Variants in TFEB observed in about 807,000 individuals in gnomAD.
TFEB encodes T-cell transcription factor EB.
TFEB carries 12 observed loss-of-function variants against 48.0 expected under a neutral mutation model. The observed-to-expected ratio is 0.25, with a 90% confidence interval of 0.16 to 0.40. The LOEUF (loss-of-function observed/expected upper bound fraction) is 0.40, where lower values mean the gene tolerates loss of function less well. TFEB is among the 10% of genes least tolerant of loss of function. The pLI, the probability that TFEB is intolerant of heterozygous loss-of-function variation, is 1.00. For synonymous variants in TFEB, 244 were observed against 261.4 expected (o/e 0.93, Z 0.64); for missense variants, 509 against 640.3 (o/e 0.79, Z 2.21).
In TFEB at chr6:41,720,894, C is replaced by T. The variant is rs1364832378; in HGVS notation, c.-23+14456G>A. 6.6e-6 allele frequency among the ~76,000 whole-genome samples: 1 copy of T among 152,168 alleles called. No homozygotes were observed. The highest frequency in any genetic ancestry group is 6.5e-5 in the Admixed American group (1 of 15,276). ...AATAAATGTAATGTTCTTGAATAAT[C>T]CTGAGACCCCAACCTCCACCCAACC... On this transcript the variant is annotated intron_variant, in intron 1 of 8. Coordinates refer to ENST00000373033, the MANE Select transcript of TFEB (RefSeq NM_001271944.2). The surrounding 1 kb of genome is among the most constrained non-coding windows in gnomAD (Gnocchi z 4.1).
intron 1 of TFEB, among the ~76,000 whole-genome samples, chr6:41,711,734 C>T (rs533463824): frequency 6.6e-6 from 1 of 152,322 alleles, no homozygotes. Context: ...AGTGAATAAG[C>T]CTAGCCTGGA....
intron 1 of TFEB, among the ~76,000 whole-genome samples, chr6:41,697,957 A>C (rs1769696274): frequency 6.6e-6 from 1 of 152,198 alleles, no homozygotes; most frequent in South Asian, 2.1e-4. Flanking sequence ...GGATGATGTA[A>C]CCATAAGTAT....
chr6:41,688,604 G>GGA (rs3830837), intron 4 of TFEB, among the ~76,000 whole-genome samples: 55,961 of 151,746 alleles, frequency 0.37, 10,524 homozygotes, highest in African/African-American at 0.46. Context: ...AGTCTGACAG[G>GGA]GAGAGATCTG....
At position 41,687,783 on chromosome 6, in the gene TFEB, C is replaced by G; in HGVS notation, c.697G>C (p.Glu233Gln). 6.2e-7 allele frequency: 1 copy of G among 1,614,124 alleles called. No individual in the cohort carries two copies. The highest frequency in any genetic ancestry group is 8.5e-7 in the Non-Finnish European group (1 of 1,179,998). ...TTGTGATTGTCTTTCTTCTGCCGCT[C>G]CTTGGCCAGGGCCCTGCTCTCAGCA... ...TDAESRALAK[E>Q]RQKKDNHNLI... Residue 233 changes from glutamate to glutamine, a missense_variant, in exon 6 of 9, where the codon GAG (glutamate) becomes CAG (glutamine). Coordinates refer to ENST00000373033, the MANE Select transcript of TFEB (RefSeq NM_001271944.2).
chr6:41,709,807 G>A (rs1770403617), intron 1 of TFEB, among the ~76,000 whole-genome samples: 1 of 151,996 alleles, frequency 6.6e-6, no homozygotes, highest in South Asian at 2.1e-4. Flanking sequence ...TTATTTTTGA[G>A]ACAGGGTCTC....
chr6:41,690,956 G>T (rs774577716), intron 2 of TFEB, 39 bp from the exon 3 acceptor site: 1 of 1,567,222 alleles, frequency 6.4e-7, no homozygotes, highest in Non-Finnish European at 8.7e-7. Context: ...GGGGAGGCTG[G>T]GACTAGTGGG....
Position 41,690,881 on chromosome 6 carries a change from G to C in TFEB, c.250C>G (p.Leu84Val), listed in dbSNP as rs1561851683. The C allele has an allele frequency of 6.2e-7, 1 of 1,605,092 alleles. No homozygotes were observed. The highest frequency in any genetic ancestry group is 2.2e-5 in the East Asian group (1 of 44,682). The change falls in exon 3 of 9, where the codon CTG (leucine) becomes GTG (valine). Residue 84 changes from leucine to valine, a missense_variant. Coordinates refer to ENST00000373033, the MANE Select transcript of TFEB (RefSeq NM_001271944.2). ...SYLENPTSYH[L>V]QQSQHQKVRE... ...ACCTTCTGATGCTGCGACTGCTGCAGATGGTAGGATGTGGGATTCTCCAGG... is the reference window on the plus strand; with the variant it reads ...ACCTTCTGATGCTGCGACTGCTGCACATGGTAGGATGTGGGATTCTCCAGG...
chr6:41,730,560 A>G lies in TFEB; in HGVS notation c.-23+4790T>C, dbSNP rs1463907998. Reference sequence around the variant, plus strand: ...ATTTTTCCTCCTTAAGCCCACACTTAAGAGCCAGGAAGGAAAGCTGGTGAT... The same window carrying G: ...ATTTTTCCTCCTTAAGCCCACACTTGAGAGCCAGGAAGGAAAGCTGGTGAT... On this transcript the variant is annotated intron_variant, in intron 1 of 8. Transcript: ENST00000373033. This position sits in a 1 kb window ranked among gnomAD's most constrained non-coding sequence, Gnocchi z 4.1. Among the ~76,000 whole-genome samples the G allele has an allele frequency of 1.3e-5, 2 of 152,182 alleles. No individual in the cohort carries two copies. The highest frequency in any genetic ancestry group is 4.8e-5 in the African/African-American group (2 of 41,440).
chr6:41,685,243 G>A (rs1361390084), intron 8 of TFEB, among the ~76,000 whole-genome samples, 165 bp from the exon 9 acceptor site: 1 of 152,226 alleles, frequency 6.6e-6, no homozygotes, highest in Non-Finnish European at 1.5e-5. Context: ...GTCTAGACCA[G>A]TGTTTTTTCA....
intron 3 of TFEB, 121 bp downstream of exon 3, chr6:41,690,542 A>G (rs1581878120): frequency 1.6e-6 from 2 of 1,224,110 alleles, no homozygotes; most frequent in Non-Finnish European, 2.1e-6. Context: ...CTCTGTCCCC[A>G]CCTCAGACTG....
At position 41,724,017 on chromosome 6, in the gene TFEB, G is replaced by A; in HGVS notation, c.-23+11333C>T. On this transcript the variant is annotated intron_variant, in intron 1 of 8. Transcript: ENST00000373033. The surrounding 1 kb of genome is among the most constrained non-coding windows in gnomAD (Gnocchi z 4.4). ...CATACACCTGCAGTCTTGGCCTTGG[G>A]CCTTCCCAGGGCCTCCAGACACCCA... 4.3e-6 allele frequency: 2 copies of A among 460,520 alleles called. No homozygotes were observed. Among genetic ancestry groups the A allele is most frequent in the South Asian group, 3.1e-5 (2 of 64,376 alleles). The allele number at this position is 460,520 out of a possible 1,614,324, so 28.5% of individuals were successfully genotyped here.
chr6:41,719,325 A>C (rs1770880271), intron 1 of TFEB, among the ~76,000 whole-genome samples: 1 of 152,206 alleles, frequency 6.6e-6, no homozygotes, highest in Non-Finnish European at 1.5e-5. Flanking sequence ...TAATAATAGA[A>C]ATAAAGTGCA....
intron 1 of TFEB, among the ~76,000 whole-genome samples, chr6:41,711,756 AG>A (rs942242161): frequency 6.6e-6 from 1 of 152,192 alleles, no homozygotes; most frequent in Non-Finnish European, 1.5e-5. Context: ...AGTAAAACAC[AG>A]GGCAGGCCCC....
chr6:41,691,498 G>A lies in TFEB; in HGVS notation c.-22-263C>T. 1.5e-6 allele frequency: 1 copy of A among 665,898 alleles called. No individual in the cohort carries two copies. Among genetic ancestry groups the A allele is most frequent in the Non-Finnish European group, 2.8e-6 (1 of 356,908 alleles). 41.2% of individuals were successfully genotyped at this position (665,898 alleles called of 1,614,324 possible). On this transcript the variant is annotated intron_variant, in intron 1 of 8. Transcript: ENST00000373033. This position sits in a 1 kb window ranked among gnomAD's most constrained non-coding sequence, Gnocchi z 5.2. Reference sequence around the variant, plus strand: ...GCAGTTGGTAAATCCCAAACTCTAAGAGTCAACTTCCACTCCTCTCTGTGT... The same window carrying A: ...GCAGTTGGTAAATCCCAAACTCTAAAAGTCAACTTCCACTCCTCTCTGTGT...
At chr6:41,695,340 A>G (rs1427058436) in intron 1 of TFEB, among the ~76,000 whole-genome samples, 2 of 152,246 alleles carry the variant, frequency 1.3e-5, no homozygotes, top group Non-Finnish European at 2.9e-5. Flanking sequence ...GAACCAGCCC[A>G]TGAATCATGA....
chr6:41,734,256 T>C lies in TFEB; in HGVS notation c.-23+1094A>G. 6 of 740,226 alleles carry C rather than the reference T, an allele frequency of 8.1e-6. No individual in the cohort carries two copies. Among genetic ancestry groups the C allele is most frequent in the Non-Finnish European group, 8.2e-6 (5 of 606,174 alleles). 45.9% of individuals were successfully genotyped at this position (740,226 alleles called of 1,614,324 possible). On this transcript the variant is annotated intron_variant, in intron 1 of 8. Transcript: ENST00000373033. The surrounding 1 kb of genome is among the most constrained non-coding windows in gnomAD (Gnocchi z 4.0). ...TGGCGGAGAGCGGAGGGCGGGGGCC[T>C]GGGCCCAGCGGGGTTCGCGCAGACA...
rs1173704257 is a variant in TFEB at position 41,691,822 on chromosome 6, G to A, written c.-22-587C>T. On this transcript the variant is annotated intron_variant, in intron 1 of 8. Coordinates refer to ENST00000373033, the MANE Select transcript of TFEB (RefSeq NM_001271944.2). The surrounding 1 kb of genome is among the most constrained non-coding windows in gnomAD (Gnocchi z 5.2). ...TTACCATGACTGGAAAGGCCCCCTA[G>A]GATCTGGCCCACCTCGTGTTCCCCT... 3.3e-5 allele frequency among the ~76,000 whole-genome samples: 5 copies of A among 152,182 alleles called. No individual in the cohort carries two copies. The South Asian group carries it at 1.0e-3, about 32-fold the overall frequency.
rs1771582059 is a variant in TFEB at position 41,734,374 on chromosome 6, A to T, written c.-23+976T>A. ...GCGCGAACCTGCTCGCGCAGCCCGG[A>T]GCAGCTCGGGGCAGCCGTGCGTGAA... On this transcript the variant is annotated intron_variant, in intron 1 of 8. Transcript: ENST00000373033. The surrounding 1 kb of genome is among the most constrained non-coding windows in gnomAD (Gnocchi z 4.0). 1.0e-6 allele frequency: 1 copy of T among 984,466 alleles called. No individual in the cohort carries two copies. Among genetic ancestry groups the T allele is most frequent in the South Asian group, 4.7e-5 (1 of 21,242 alleles). The allele number at this position is 984,466 out of a possible 1,614,324, so 61.0% of individuals were successfully genotyped here.
chr6:41,733,579 C>T, intron 1 of TFEB: 4 of 981,418 alleles, frequency 4.1e-6, no homozygotes, highest in Non-Finnish European at 2.4e-6. Flanking sequence ...CCGGGCCCCG[C>T]GGCCAGGAGG....
Sources: gnomAD v4.1 joint callset for allele counts (sites outside exome capture counted in the v4.1 genomes callset) on GRCh38, gnomAD v4.1.1 for gene constraint, Gnocchi (gnomAD v3.1) non-coding constraint, MANE v1.5 for transcripts, NCBI Gene and HGNC (gene_info 2026-07-23, HGNC 2026-07-21) for gene names.